The following UBR2 variants were observed in gnomAD, a reference collection of about 807,000 sequenced individuals.
UBR2 encodes the protein E3 ubiquitin-protein ligase UBR2.
In UBR2, 92 loss-of-function variants were observed where a neutral mutation model predicts 247.9. The observed-to-expected ratio is 0.37, with a 90% CI of 0.31 to 0.44. The LOEUF is 0.44. Among genes scored for constraint, UBR2 ranks in the 20% least tolerant of loss-of-function variants. The probability of loss-of-function intolerance (pLI) is 1.00; values close to 1 mark genes in which losing one functional copy is unlikely to be tolerated. For synonymous variants in UBR2, 672 were observed against 693.5 expected, an observed-to-expected ratio of 0.97 and a Z score of 0.49; for missense variants, 1,613 against 2,112.6, an observed-to-expected ratio of 0.76 and a Z score of 4.64.
intron 34 of UBR2, among the ~76,000 whole-genome samples, chr6:42,668,840 G>T (rs185703146): frequency 2.6e-5 from 4 of 152,146 alleles, no homozygotes; most frequent in African/African-American, 9.7e-5. Flanking sequence ...CTCCTGAGTA[G>T]TTGGGATTAC....
chr6:42,685,150 A>G (rs887976368), intron 44 of UBR2, among the ~76,000 whole-genome samples: 2 of 152,112 alleles, frequency 1.3e-5, no homozygotes, highest in Non-Finnish European at 2.9e-5. Context: ...TGTCTCTACT[A>G]AAAATACAGA....
At chr6:42,611,169 G>C (rs1176873845) in intron 7 of UBR2, among the ~76,000 whole-genome samples, 1 of 143,280 alleles carries the variant, frequency 7.0e-6, no homozygotes, top group South Asian at 2.4e-4. Flanking sequence ...AAAAAAAAAA[G>C]TTGATAACAT....
intron 1 of UBR2, among the ~76,000 whole-genome samples, chr6:42,565,226 G>A (rs1411820054): frequency 6.6e-6 from 1 of 152,166 alleles, no homozygotes; most frequent in Non-Finnish European, 1.5e-5. Context: ...ATATGCTAGT[G>A]TAAATAGCAG....
In UBR2 at chr6:42,619,431, A is replaced by AT. The variant is rs1562317871; in HGVS notation, c.1281+1925dup. On this transcript the variant is annotated intron_variant, in intron 11 of 46. Transcript: ENST00000372901. The stretch of plus-strand genomic sequence containing the variant: ...TATGAACATATATATATATATATAT[A>AT]TATATATATATATATATATATATTT... The AT allele has an allele frequency of 1.7e-4, 3 of 17,184 alleles. 1 individual carries two copies. The highest frequency in any genetic ancestry group is 7.5e-4 in the African/African-American group (3 of 4,020). 1.1% of individuals were successfully genotyped at this position (17,184 alleles called of 1,614,324 possible).
At chr6:42,635,372 A>C (rs1796023933) in intron 13 of UBR2, 46 bp from the exon 14 acceptor site, 2 of 1,571,300 alleles carry the variant, frequency 1.3e-6, no homozygotes, top group Non-Finnish European at 1.7e-6. Flanking sequence ...ATATAAAAGA[A>C]CAACTATTAT....
intron 2 of UBR2, among the ~76,000 whole-genome samples, chr6:42,590,764 T>G (rs114288599): frequency 0.019 from 2,837 of 152,326 alleles, 52 homozygotes; most frequent in South Asian, 0.073. Flanking sequence ...TTTAACACCT[T>G]CCTCACAGGA....
rs1339608140 is a variant in UBR2, at chr6:42,693,138, G to A, written c.*1965G>A. ...AATCATAACAATACTCCAGCTTTCC[G>A]GTCCGACTTCCTAGGAGCCTGGAGT... On this transcript the variant is annotated 3_prime_UTR_variant, in exon 47 of 47. Transcript: ENST00000372901. 8 of 141,036 alleles carry A rather than the reference G, an allele frequency of 5.7e-5. No individual in the cohort carries two copies. The highest frequency in any genetic ancestry group is 9.6e-5 in the Non-Finnish European group (6 of 62,608). The allele number at this position is 141,036 out of a possible 1,614,324, so 8.7% of individuals were successfully genotyped here. A position where few individuals can be genotyped will look rare whatever the true frequency, so the allele number is the denominator to read the frequency against.
chr6:42,607,492 A>G (rs1390121265), intron 7 of UBR2, among the ~76,000 whole-genome samples: 1 of 151,848 alleles, frequency 6.6e-6, no homozygotes, highest in African/African-American at 2.4e-5. Flanking sequence ...ATAAAATAAT[A>G]TGGAGGCCCC....
intron 1 of UBR2, among the ~76,000 whole-genome samples, 184 bp downstream of exon 1, chr6:42,564,581 A>G (rs887027768): frequency 7.9e-5 from 12 of 152,070 alleles, no homozygotes; most frequent in Admixed American, 5.9e-4. Context: ...TCCATTTTCA[A>G]CAGCTGCCAG....
At chr6:42,587,548 G>A (rs184477927) in intron 2 of UBR2, among the ~76,000 whole-genome samples, 1 of 152,048 alleles carries the variant, frequency 6.6e-6, no homozygotes, top group African/African-American at 2.4e-5. Flanking sequence ...TGTAGAGATG[G>A]GGTCTCACCG....
At chr6:42,575,588 A>G (rs1267225820) in intron 2 of UBR2, among the ~76,000 whole-genome samples, 1 of 152,190 alleles carries the variant, frequency 6.6e-6, no homozygotes, top group African/African-American at 2.4e-5. Flanking sequence ...TTTGAAGATT[A>G]CAGACCAGTT....
At position 42,617,486 on chromosome 6, in the gene UBR2, G is replaced by A; in HGVS notation, c.1260G>A (p.Gln420=). 6.4e-7 allele frequency: 1 copy of A among 1,551,980 alleles called. No individual in the cohort carries two copies. The highest frequency in any genetic ancestry group is 8.7e-7 in the Non-Finnish European group (1 of 1,147,226). ...TTTCAGTCGCAGACCTCTCGGTTCA[G>A]ATATTCACGGTTCCTTCACTTGTAA... is the stretch of plus-strand genomic sequence containing the variant. ...REFSVADLSV[Q]IFTVPSLARM... Residue 420 remains glutamine, a synonymous_variant, in exon 11 of 47, where the codon CAG becomes CAA. Coordinates refer to ENST00000372901, the MANE Select transcript of UBR2 (RefSeq NM_001363705.2).
intron 21 of UBR2, among the ~76,000 whole-genome samples, chr6:42,646,097 T>C (rs1483136345): frequency 2.6e-5 from 4 of 152,198 alleles, no homozygotes; most frequent in Non-Finnish European, 4.4e-5. Flanking sequence ...AGGACATTCA[T>C]AGGTTAAATT....
chr6:42,589,953 C>G (rs1792549559), intron 2 of UBR2, among the ~76,000 whole-genome samples: 1 of 152,070 alleles, frequency 6.6e-6, no homozygotes, highest in Admixed American at 6.6e-5. Flanking sequence ...GCCTAAATAT[C>G]TTTTTTGTAT....
At chr6:42,678,411 C>G (rs1163151117) in intron 40 of UBR2, 128 bp from the exon 41 acceptor site, 1 of 960,612 alleles carries the variant, frequency 1.0e-6, no homozygotes, top group African/African-American at 1.7e-5. Flanking sequence ...CACCCACTTG[C>G]CTGTTAACTC....
chr6:42,679,856 G>C, intron 42 of UBR2, 24 bp downstream of exon 42: 1 of 1,552,118 alleles, frequency 6.4e-7, no homozygotes, highest in Non-Finnish European at 8.8e-7. Flanking sequence ...ACTTTTCTTT[G>C]TTGTATTAAA....
Position 42,691,216 on chromosome 6 carries a change from C to A in UBR2, c.*43C>A, listed in dbSNP as rs1799735067. 6.3e-7 allele frequency: 1 copy of A among 1,590,928 alleles called. No individual in the cohort carries two copies. On this transcript the variant is annotated 3_prime_UTR_variant, in exon 47 of 47. Coordinates refer to ENST00000372901, the MANE Select transcript of UBR2 (RefSeq NM_001363705.2). ...AACACAAACTTGGATTTTTTTAACC[C>A]AGTTGGCTTTTTAAGAAAGAAAGAA...
intron 4 of UBR2, among the ~76,000 whole-genome samples, chr6:42,598,009 T>A (rs565939572): frequency 1.3e-5 from 2 of 152,326 alleles, no homozygotes; most frequent in South Asian, 4.1e-4. Flanking sequence ...GAACATAATT[T>A]TTTTGTCATA....
intron 25 of UBR2, among the ~76,000 whole-genome samples, chr6:42,654,576 T>A (rs1376044348): frequency 6.6e-6 from 1 of 152,044 alleles, no homozygotes; most frequent in African/African-American, 2.4e-5. Flanking sequence ...AATAAAAAAA[T>A]TAGCCAATCG....
Sources: allele counts gnomAD v4.1 joint callset (sites outside exome capture counted in the v4.1 genomes callset), GRCh38; gene constraint gnomAD v4.1.1; transcripts MANE v1.5; gene names NCBI Gene and HGNC (gene_info 2026-07-23, HGNC 2026-07-21).